The following ZMAT3 variants were observed in gnomAD, a reference collection of about 807,000 sequenced individuals.
ZMAT3 encodes the protein zinc finger matrin-type protein 3.
Under a neutral mutation model 32.3 loss-of-function variants are expected in ZMAT3, and 17 were observed. That is an observed-to-expected ratio of 0.53 (90% confidence interval 0.36 to 0.79). The LOEUF (loss-of-function observed/expected upper bound fraction) is 0.79, where lower values mean the gene tolerates loss of function less well. ZMAT3 is among the 30% of genes least tolerant of loss of function. The probability of loss-of-function intolerance (pLI) is 0.00; values close to 1 mark genes in which losing one functional copy is unlikely to be tolerated. For missense variants in ZMAT3, 329 were observed against 359.7 expected (o/e 0.91, Z 0.69); for synonymous variants, 120 against 133.1 (o/e 0.90, Z 0.68).
At chr3:179,051,318 A>G (rs912363018) in intron 2 of ZMAT3, among the ~76,000 whole-genome samples, 10 of 152,186 alleles carry the variant, frequency 6.6e-5, no homozygotes, top group African/African-American at 2.4e-4. Flanking sequence ...ATATATACAA[A>G]TCAGTAGCTC....
At chr3:179,065,648 G>A (rs893265556) in intron 2 of ZMAT3, among the ~76,000 whole-genome samples, 8 of 152,108 alleles carry the variant, frequency 5.3e-5, no homozygotes, top group African/African-American at 1.9e-4. Flanking sequence ...TCCTTAAAAG[G>A]GAATTATAGG....
At chr3:179,047,469 C>T (rs1051799713) in intron 2 of ZMAT3, among the ~76,000 whole-genome samples, 6 of 152,216 alleles carry the variant, frequency 3.9e-5, no homozygotes, top group Non-Finnish European at 8.8e-5. Flanking sequence ...CCCAAAAGAT[C>T]ACCTTAGCTC....
intron 2 of ZMAT3, among the ~76,000 whole-genome samples, chr3:179,050,528 C>A (rs916500775): frequency 2.6e-5 from 4 of 152,054 alleles, no homozygotes; most frequent in African/African-American, 7.2e-5. Context: ...CAGCTGAATT[C>A]TATCAGACAT....
At chr3:179,026,442 A>G (rs959956941) in intron 5 of ZMAT3, among the ~76,000 whole-genome samples, 3 of 127,274 alleles carry the variant, frequency 2.4e-5, no homozygotes, top group African/African-American at 9.3e-5. Context: ...ACTGGAATGC[A>G]GTGGTGTAAT....
intron 2 of ZMAT3, among the ~76,000 whole-genome samples, chr3:179,061,421 T>C (rs536798512): frequency 1.3e-5 from 2 of 152,310 alleles, no homozygotes; most frequent in East Asian, 3.9e-4. Context: ...AATGAAGTAG[T>C]GATTCAAATA....
intron 2 of ZMAT3, among the ~76,000 whole-genome samples, chr3:179,056,440 C>A (rs891738529): frequency 1.3e-5 from 2 of 152,114 alleles, no homozygotes; most frequent in African/African-American, 2.4e-5. Flanking sequence ...GCTTCCAGTG[C>A]GGTCTACAAG....
rs34239014 is a variant in ZMAT3, at chr3:179,049,991, CAAAAAAAAAAAAAA to C, written c.270+17478_270+17491del. Among the ~76,000 whole-genome samples the C allele has an allele frequency of 4.5e-3, 37 of 8,148 alleles. 1 individual carries two copies. The highest frequency in any genetic ancestry group is 0.017 in the African/African-American group (35 of 2,080). 5.3% of individuals were successfully genotyped at this position (8,148 alleles called of 152,430 possible). A position where few individuals can be genotyped will look rare whatever the true frequency, so the allele number is the denominator to read the frequency against. On this transcript the variant is annotated intron_variant, in intron 2 of 5. Coordinates refer to ENST00000311417, the MANE Select transcript of ZMAT3 (RefSeq NM_022470.4). Reference sequence around the variant, plus strand: ...TGGGTGACAGAGCAAGACTCCGTCTCAAAAAAAAAAAAAAAAAAAAAAAAAAGCCAAGCCTAAAA... The same window carrying C: ...TGGGTGACAGAGCAAGACTCCGTCTCAAAAAAAAAAAAGCCAAGCCTAAAA...
intron 2 of ZMAT3, among the ~76,000 whole-genome samples, chr3:179,034,525 T>C (rs1357734843): frequency 6.6e-6 from 1 of 152,242 alleles, no homozygotes; most frequent in African/African-American, 2.4e-5. Context: ...GACTCTAGGT[T>C]ATTCTACCCA....
intron 2 of ZMAT3, among the ~76,000 whole-genome samples, chr3:179,050,223 A>G (rs9831543): frequency 0.73 from 111,399 of 151,754 alleles, 41,202 homozygotes; most frequent in East Asian, 0.92. Context: ...ACTAATAAAC[A>G]ATTATTGAGG....
At chr3:179,052,623 A>G (rs777785407) in intron 2 of ZMAT3, among the ~76,000 whole-genome samples, 7 of 152,216 alleles carry the variant, frequency 4.6e-5, no homozygotes, top group Non-Finnish European at 7.3e-5. Context: ...TAGATCTACC[A>G]TTTGATCCAG....
rs1386591481 is a variant in ZMAT3, at chr3:179,067,709, G to A, written c.44C>T (p.Pro15Leu). 1.2e-6 allele frequency: 2 copies of A among 1,614,144 alleles called. No homozygotes were observed. The highest frequency in any genetic ancestry group is 2.2e-5 in the East Asian group (1 of 44,880). ...QHAVLPPPKQ[P>L]SPSPPMSVAT... ...CACTGACATAGGAGGCGAGGGTGAG[G>A]GCTGCTTAGGTGGAGGAAGCACGGC... is the stretch of plus-strand genomic sequence containing the variant. The change falls in exon 2 of 6, where the codon CCC becomes CTC. Residue 15 changes from proline to leucine, a missense_variant. Pro to Leu is a moderately conservative substitution (Grantham distance 98). Coordinates refer to ENST00000311417, the MANE Select transcript of ZMAT3 (RefSeq NM_022470.4).
intron 2 of ZMAT3, 91 bp downstream of exon 2, chr3:179,067,392 G>A (rs962259602): frequency 4.5e-6 from 6 of 1,345,280 alleles, no homozygotes; most frequent in Admixed American, 2.0e-5. Context: ...GGTATTCCAG[G>A]CACAGTCATA....
Position 179,046,003 on chromosome 3 carries a change from AACACCCAG to A in ZMAT3, c.271-15012_271-15005del, listed in dbSNP as rs1720214043. On this transcript the variant is annotated intron_variant, in intron 2 of 5. Transcript: ENST00000311417. This position sits in a 1 kb window ranked among gnomAD's most constrained non-coding sequence, Gnocchi z 4.3. ...TCATGTGAAGTGGTTTAACTAGGAA[AACACCCAG>A]TACAGGCAACTATGCAGAAGAGCTC... 6.6e-6 allele frequency among the ~76,000 whole-genome samples: 1 copy of A among 152,242 alleles called. No homozygotes were observed. Among genetic ancestry groups the A allele is most frequent in the Non-Finnish European group, 1.5e-5 (1 of 68,038 alleles).
In ZMAT3 at chr3:179,046,264, A is replaced by G. The variant is rs1576858089; in HGVS notation, c.271-15265T>C. ...GGAGGGGTCAAGGTTAGATAGTATC[A>G]GGTATTTTATTTCCAAAGCAGCATC... On this transcript the variant is annotated intron_variant, in intron 2 of 5. Transcript: ENST00000311417. The surrounding 1 kb of genome is among the most constrained non-coding windows in gnomAD (Gnocchi z 4.3). Among the ~76,000 whole-genome samples, 1 of 152,320 alleles carries G rather than the reference A, an allele frequency of 6.6e-6. No individual in the cohort carries two copies.
intron 2 of ZMAT3, among the ~76,000 whole-genome samples, chr3:179,043,511 G>C (rs946468084): frequency 2.6e-5 from 4 of 152,152 alleles, no homozygotes; most frequent in Admixed American, 1.3e-4. Flanking sequence ...GGGAAAACTG[G>C]CTAGCCATAT....
At chr3:179,058,801 AG>A (rs1435349904) in intron 2 of ZMAT3, among the ~76,000 whole-genome samples, 1 of 149,832 alleles carries the variant, frequency 6.7e-6, no homozygotes, top group Non-Finnish European at 1.5e-5. Context: ...TTCGAAGAGT[AG>A]GGTATGCAGT....
intron 2 of ZMAT3, among the ~76,000 whole-genome samples, chr3:179,036,858 G>A (rs553085394): frequency 6.6e-6 from 1 of 152,236 alleles, no homozygotes; most frequent in African/African-American, 2.4e-5. Flanking sequence ...GTTGCAGGTG[G>A]AGTCCACAAC....
At chr3:179,069,339 C>A (rs1374656906) in intron 1 of ZMAT3, among the ~76,000 whole-genome samples, 2 of 151,964 alleles carry the variant, frequency 1.3e-5, no homozygotes, top group African/African-American at 4.8e-5. Flanking sequence ...TCTCCTGCCT[C>A]CCCCCCAGAT....
At chr3:179,067,266 C>G (rs1721463383) in intron 2 of ZMAT3, among the ~76,000 whole-genome samples, 1 of 151,900 alleles carries the variant, frequency 6.6e-6, no homozygotes, top group Non-Finnish European at 1.5e-5. Context: ...GCATGCCACA[C>G]AGCTTAGTGT....
Sources: gnomAD v4.1 joint callset for allele counts (sites outside exome capture counted in the v4.1 genomes callset) on GRCh38, gnomAD v4.1.1 for gene constraint, Gnocchi (gnomAD v3.1) non-coding constraint, MANE v1.5 for transcripts, NCBI Gene and HGNC (gene_info 2026-07-23, HGNC 2026-07-21) for gene names.